Variants in RYR3 observed in about 807,000 individuals in gnomAD.
RYR3 encodes the protein brain ryanodine receptor-calcium release channel.
Under a neutral mutation model 584.3 loss-of-function variants are expected in RYR3, and 207 were observed. That is an observed-to-expected ratio of 0.35 (90% CI 0.32 to 0.40). RYR3 has a LOEUF of 0.40. Ranked by LOEUF, RYR3 falls within the 10% of genes least tolerant of loss-of-function variation. RYR3 has a pLI of 1.00. For synonymous variants in RYR3, 2,416 were observed against 2,248.5 expected (o/e 1.07, Z -2.11); for missense variants, 5,616 against 6,089.2 (o/e 0.92, Z 2.59).
intron 1 of RYR3, among the ~76,000 whole-genome samples, chr15:33,379,881 C>G (rs2141179978): frequency 6.6e-6 from 1 of 152,118 alleles, no homozygotes. Flanking sequence ...CCCAGAGCCC[C>G]TGGCAAGCCC....
At chr15:33,712,436 G>A (rs1458425569) in intron 43 of RYR3, among the ~76,000 whole-genome samples, 1 of 152,164 alleles carries the variant, frequency 6.6e-6, no homozygotes, top group Non-Finnish European at 1.5e-5. Context: ...AAGAAATAAG[G>A]ATGTCAGAAG....
intron 19 of RYR3, 94 bp from the exon 20 acceptor site, chr15:33,623,713 G>C (rs1002559445): frequency 2.3e-6 from 2 of 858,442 alleles, no homozygotes; most frequent in African/African-American, 1.7e-5. Flanking sequence ...ATTATGTTGA[G>C]GGTGGGAGGT....
At chr15:33,641,018 C>T (rs1191508057) in intron 27 of RYR3, among the ~76,000 whole-genome samples, 1 of 152,122 alleles carries the variant, frequency 6.6e-6, no homozygotes, top group African/African-American at 2.4e-5. Flanking sequence ...TTCTAGAGAG[C>T]CATGTGGTGA....
intron 5 of RYR3, among the ~76,000 whole-genome samples, chr15:33,536,182 T>C (rs2055313963): frequency 6.6e-6 from 1 of 152,134 alleles, no homozygotes; most frequent in Non-Finnish European, 1.5e-5. Context: ...CAGAAACCCC[T>C]TCAGAGTTGT....
intron 38 of RYR3, among the ~76,000 whole-genome samples, chr15:33,684,679 A>C (rs1294691730): frequency 6.6e-6 from 1 of 152,186 alleles, no homozygotes; most frequent in Non-Finnish European, 1.5e-5. Flanking sequence ...ATGAAGGAAA[A>C]AATATAAAGG....
intron 32 of RYR3, among the ~76,000 whole-genome samples, chr15:33,656,573 TG>T (rs1261089286): frequency 6.6e-6 from 1 of 152,220 alleles, no homozygotes; most frequent in Non-Finnish European, 1.5e-5. Flanking sequence ...CAGGCTTGAC[TG>T]GGTACTCAGA....
At chr15:33,680,899 G>A (rs773850778) in intron 38 of RYR3, among the ~76,000 whole-genome samples, 24 of 152,200 alleles carry the variant, frequency 1.6e-4, no homozygotes, top group Non-Finnish European at 2.4e-4. Context: ...GTTCTGGCTC[G>A]TGATTTTCAG....
In RYR3 at chr15:33,607,875, A is replaced by T. The variant is rs76479968; in HGVS notation, c.2164+4511A>T. 4.3e-3 allele frequency among the ~76,000 whole-genome samples: 653 copies of T among 152,256 alleles called. 1 individual carries two copies. The highest frequency in any genetic ancestry group is 0.015 in the African/African-American group (612 of 41,548). On this transcript the variant is annotated intron_variant, in intron 18 of 103. Transcript: ENST00000634891. ...GTGCGAGGCGCTCTTCTATTGCTCT[A>T]TATAGATTAATTGATTCAAAACTCA... is the stretch of plus-strand genomic sequence containing the variant.
chr15:33,538,782 G>C (rs544824320), intron 5 of RYR3, among the ~76,000 whole-genome samples: 3 of 152,106 alleles, frequency 2.0e-5, no homozygotes, highest in East Asian at 3.8e-4. Flanking sequence ...CTTACTGAAA[G>C]ACCTGGGTTT....
intron 1 of RYR3, among the ~76,000 whole-genome samples, chr15:33,397,120 G>T (rs1423909224): frequency 6.6e-6 from 1 of 152,134 alleles, no homozygotes; most frequent in Non-Finnish European, 1.5e-5. Context: ...AAAAGGAGAA[G>T]AAAGAAAATT....
chr15:33,807,671 G>C, intron 70 of RYR3, 102 bp downstream of exon 70: 1 of 1,242,072 alleles, frequency 8.1e-7, no homozygotes, highest in Non-Finnish European at 1.2e-6. Flanking sequence ...GTAGAGAATG[G>C]ATTTTCCCGC....
At chr15:33,583,676 T>A (rs1414885805) in intron 14 of RYR3, among the ~76,000 whole-genome samples, 3 of 152,072 alleles carry the variant, frequency 2.0e-5, no homozygotes, top group Non-Finnish European at 2.9e-5. Context: ...TCCCACCAGT[T>A]TGGGAGGCTG....
intron 1 of RYR3, among the ~76,000 whole-genome samples, chr15:33,383,132 G>A (rs866147815): frequency 4.0e-5 from 6 of 151,672 alleles, no homozygotes; most frequent in African/African-American, 4.9e-5. Context: ...GGAGACTGTT[G>A]CAGGGATCCC....
At chr15:33,346,394 C>T (rs1266544112) in intron 1 of RYR3, among the ~76,000 whole-genome samples, 2 of 152,206 alleles carry the variant, frequency 1.3e-5, no homozygotes, top group Non-Finnish European at 1.5e-5. Flanking sequence ...AAATTCTCTT[C>T]TCCTTATTAT....
At chr15:33,638,694 G>T (rs561851668) in intron 27 of RYR3, among the ~76,000 whole-genome samples, 1 of 152,322 alleles carries the variant, frequency 6.6e-6, no homozygotes, top group South Asian at 2.1e-4. Flanking sequence ...AATGTGAGTA[G>T]TAGCAGTATT....
At chr15:33,634,049 G>A (rs913888447) in intron 24 of RYR3, among the ~76,000 whole-genome samples, 2 of 151,794 alleles carry the variant, frequency 1.3e-5, no homozygotes, top group African/African-American at 4.9e-5. Context: ...AGTGTTTTTT[G>A]TTTTGTTTTG....
chr15:33,739,946 TC>T lies in RYR3; in HGVS notation c.7772del (p.Ser2591Ter). The T allele has an allele frequency of 6.2e-7, 1 of 1,613,896 alleles. No individual in the cohort carries two copies. The highest frequency in any genetic ancestry group is 8.5e-7 in the Non-Finnish European group (1 of 1,179,858). On this transcript the variant is annotated frameshift_variant, in exon 51 of 104. Coordinates refer to ENST00000634891, the MANE Select transcript of RYR3 (RefSeq NM_001036.6). LOFTEE classifies it high-confidence loss of function. ...RITATLEKQISVDADGNFDPK... is the reference protein window; with the variant it reads ...RITATLEKQIXVDADGNFDPK... ...CACAGCCACGTTGGAGAAACAGATCTCAGTGGATGCGGATGGCAACTTTGAC... is the reference window on the plus strand; with the variant it reads ...CACAGCCACGTTGGAGAAACAGATCTAGTGGATGCGGATGGCAACTTTGAC...
intron 76 of RYR3, 82 bp from the exon 77 acceptor site, chr15:33,819,674 A>G (rs2077002567): frequency 1.2e-6 from 1 of 847,920 alleles, no homozygotes; most frequent in African/African-American, 2.2e-5. Flanking sequence ...ACTCTGTCTC[A>G]AAAATAAATA....
intron 5 of RYR3, among the ~76,000 whole-genome samples, chr15:33,538,410 G>A (rs1370108461): frequency 6.6e-6 from 1 of 152,168 alleles, no homozygotes; most frequent in Non-Finnish European, 1.5e-5. Flanking sequence ...GGTGGAGGGA[G>A]GGAGGGAAAG....
Sources: gnomAD v4.1 joint callset for allele counts (sites outside exome capture counted in the v4.1 genomes callset) on GRCh38, gnomAD v4.1.1 for gene constraint, MANE v1.5 for transcripts, NCBI Gene and HGNC (gene_info 2026-07-23, HGNC 2026-07-21) for gene names.